DNER: variants seen among roughly 807,000 people sequenced by gnomAD.
The protein encoded by DNER is delta/notch like EGF repeat containing.
Under a neutral mutation model 78.2 loss-of-function variants are expected in DNER, and 33 were observed. That is an observed-to-expected ratio of 0.42 (90% CI 0.32 to 0.56). The LOEUF (loss-of-function observed/expected upper bound fraction) is 0.56. Ranked by LOEUF, DNER falls within the 20% of genes least tolerant of loss-of-function variation. The pLI is 0.11. For missense variants in DNER, 918 were observed against 975.3 expected (o/e 0.94, Z 0.78); for synonymous variants, 417 against 384.8 (o/e 1.08, Z -0.98).
Position 229,591,574 on chromosome 2 carries a change from T to C in DNER, c.585+6A>G, listed in dbSNP as rs1438715671. 6.2e-7 allele frequency: 1 copy of C among 1,612,582 alleles called. No homozygotes were observed. Among genetic ancestry groups the C allele is most frequent in the Non-Finnish European group, 8.5e-7 (1 of 1,179,090 alleles). On this transcript the variant is annotated splice_donor_region_variant and intron_variant, in intron 2 of 12. Coordinates refer to ENST00000341772, the MANE Select transcript of DNER (RefSeq NM_139072.4). The surrounding 1 kb of genome is among the most constrained non-coding windows in gnomAD (Gnocchi z 4.6). ...TGTAAAAATGCACATGATATAACGT[T>C]CTCACCTCCACTTGATCCCATTTCA...
At chr2:229,428,015 C>A (rs1051563680) in intron 8 of DNER, among the ~76,000 whole-genome samples, 4 of 145,580 alleles carry the variant, frequency 2.7e-5, no homozygotes, top group Non-Finnish European at 5.9e-5. Context: ...GCAGAGGTTG[C>A]AGTGAGCTGG....
intron 1 of DNER, among the ~76,000 whole-genome samples, chr2:229,675,671 C>T (rs1699289003): frequency 6.6e-6 from 1 of 152,176 alleles, no homozygotes; most frequent in Non-Finnish European, 1.5e-5. Flanking sequence ...GCTCACATTT[C>T]AAAGAGGAAA....
intron 7 of DNER, 46 bp downstream of exon 7, chr2:229,477,094 A>T: frequency 6.8e-7 from 1 of 1,468,984 alleles, no homozygotes; most frequent in Non-Finnish European, 9.5e-7. Context: ...TTAGTTTATG[A>T]TTTAAAATGA....
intron 6 of DNER, among the ~76,000 whole-genome samples, chr2:229,488,003 G>A (rs896681928): frequency 9.9e-5 from 15 of 152,164 alleles, no homozygotes; most frequent in Admixed American, 7.2e-4. Flanking sequence ...GTAGAGGCAT[G>A]GTAACGATGT....
At chr2:229,394,695 C>T (rs1051066906) in intron 10 of DNER, among the ~76,000 whole-genome samples, 4 of 152,150 alleles carry the variant, frequency 2.6e-5, no homozygotes, top group Non-Finnish European at 4.4e-5. Context: ...GGAAGGATGG[C>T]GAGCAGCCAC....
chr2:229,681,686 G>A lies in DNER; in HGVS notation c.276+32462C>T, dbSNP rs555203676. Among the ~76,000 whole-genome samples the A allele has an allele frequency of 1.4e-3, 218 of 152,188 alleles. 2 individuals carry two copies. The highest frequency in any genetic ancestry group is 1.6e-3 in the Non-Finnish European group (106 of 68,016). On this transcript the variant is annotated intron_variant, in intron 1 of 12. Coordinates refer to ENST00000341772, the MANE Select transcript of DNER (RefSeq NM_139072.4). ...CACAACACCGCTCAAGGGGGCACTC[G>A]AGGAGAATGAAAACAACTTAACAAT...
intron 6 of DNER, among the ~76,000 whole-genome samples, chr2:229,498,107 G>T (rs1452974674): frequency 2.6e-5 from 4 of 152,158 alleles, no homozygotes; most frequent in Admixed American, 6.5e-5. Flanking sequence ...TCCATGGGAT[G>T]CAAGGAAGGA....
At chr2:229,407,131 T>C in intron 10 of DNER, 101 bp downstream of exon 10, 2 of 994,252 alleles carry the variant, frequency 2.0e-6, no homozygotes, top group South Asian at 3.0e-5. Context: ...GGTGTTTATA[T>C]TTTGCAATAT....
intron 4 of DNER, among the ~76,000 whole-genome samples, chr2:229,584,743 A>G (rs917486507): frequency 6.6e-6 from 1 of 152,138 alleles, no homozygotes; most frequent in South Asian, 2.1e-4. Flanking sequence ...ATCCTGGCCA[A>G]CATGGTGAAA....
At chr2:229,564,261 T>TCATCATCATCCTCCTCACCCCATCAC (rs1446686403) in intron 4 of DNER, among the ~76,000 whole-genome samples, 2 of 144,310 alleles carry the variant, frequency 1.4e-5, no homozygotes, top group South Asian at 2.3e-4. Context: ...AGCATCACCA[T>TCATCATCATCCTCCTCACCCCATCAC]CATCATCATC....
At chr2:229,467,968 A>T (rs1376767688) in intron 7 of DNER, among the ~76,000 whole-genome samples, 1 of 152,220 alleles carries the variant, frequency 6.6e-6, no homozygotes, top group Non-Finnish European at 1.5e-5. Context: ...TGGGGGGTTC[A>T]CATGGCCGGC....
intron 4 of DNER, among the ~76,000 whole-genome samples, chr2:229,556,779 T>C (rs1447290820): frequency 6.6e-6 from 1 of 152,212 alleles, no homozygotes; most frequent in Non-Finnish European, 1.5e-5. Flanking sequence ...CTGAAATCAG[T>C]CTTTGCAACA....
intron 1 of DNER, among the ~76,000 whole-genome samples, chr2:229,612,424 G>A (rs1698065788): frequency 6.6e-6 from 1 of 152,190 alleles, no homozygotes; most frequent in African/African-American, 2.4e-5. Flanking sequence ...CTGTAAAGGG[G>A]GAAGGCATCT....
At chr2:229,463,179 T>C (rs1016992624) in intron 7 of DNER, among the ~76,000 whole-genome samples, 1 of 152,112 alleles carries the variant, frequency 6.6e-6, no homozygotes, top group African/African-American at 2.4e-5. Context: ...CCATTGTGCC[T>C]TGGCATCCAG....
At chr2:229,437,697 G>T (rs1694151505) in intron 8 of DNER, among the ~76,000 whole-genome samples, 1 of 152,110 alleles carries the variant, frequency 6.6e-6, no homozygotes, top group Admixed American at 6.5e-5. Context: ...GGGAAGGCGT[G>T]CTACTGAAGG....
chr2:229,617,625 T>C (rs771110808), intron 1 of DNER, among the ~76,000 whole-genome samples: 7 of 152,096 alleles, frequency 4.6e-5, no homozygotes, highest in Non-Finnish European at 7.4e-5. Context: ...AAAGGAAAAA[T>C]AGTTTTTTTG....
At chr2:229,669,571 T>A (rs1027667986) in intron 1 of DNER, among the ~76,000 whole-genome samples, 1 of 152,182 alleles carries the variant, frequency 6.6e-6, no homozygotes, top group Non-Finnish European at 1.5e-5. Context: ...CATTTGTTTG[T>A]TTCCTCTCTT....
intron 1 of DNER, among the ~76,000 whole-genome samples, chr2:229,672,596 A>T (rs2154216868): frequency 6.6e-6 from 1 of 151,620 alleles, no homozygotes; most frequent in East Asian, 1.9e-4. Flanking sequence ...AGAGAGAGGA[A>T]AAAGGATGAG....
chr2:229,596,750 G>A (rs1697720985), intron 1 of DNER, among the ~76,000 whole-genome samples: 1 of 152,222 alleles, frequency 6.6e-6, no homozygotes, highest in Non-Finnish European at 1.5e-5. Context: ...ATAGATGAGA[G>A]GAATGCACAA....
Sources: allele counts gnomAD v4.1 joint callset (sites outside exome capture counted in the v4.1 genomes callset), GRCh38; gene constraint gnomAD v4.1.1; non-coding constraint Gnocchi (gnomAD v3.1); transcripts MANE v1.5; gene names NCBI Gene and HGNC (gene_info 2026-07-23, HGNC 2026-07-21).